Variants in CTNNA3 observed in about 807,000 individuals in gnomAD.
CTNNA3 encodes catenin alpha-3.
CTNNA3 carries 76 observed loss-of-function variants against 95.7 expected under a neutral mutation model. The observed-to-expected ratio is 0.79, with a 90% confidence interval of 0.66 to 0.96. The LOEUF is 0.96. CTNNA3 is among the 40% of genes least tolerant of loss of function. The pLI, the probability that CTNNA3 is intolerant of heterozygous loss-of-function variation, is 0.00. For missense variants in CTNNA3, 1,191 were observed against 1,089.8 expected (o/e 1.09, Z -1.31); for synonymous variants, 431 against 374.4 (o/e 1.15, Z -1.74).
intron 12 of CTNNA3, 51 bp downstream of exon 12, chr10:66,379,101 T>C (rs781365773): frequency 2.8e-6 from 4 of 1,412,236 alleles, no homozygotes; most frequent in Admixed American, 1.7e-5. Context: ...TTCGTAGCTA[T>C]GTAGATTCAA....
intron 10 of CTNNA3, among the ~76,000 whole-genome samples, chr10:66,541,702 A>T (rs960968990): frequency 6.6e-6 from 1 of 152,144 alleles, no homozygotes; most frequent in Admixed American, 6.6e-5. Context: ...TCTAATAGAT[A>T]AACTCTTAGA....
intron 7 of CTNNA3, among the ~76,000 whole-genome samples, chr10:66,958,981 T>G (rs1166259061): frequency 6.6e-6 from 1 of 152,138 alleles, no homozygotes; most frequent in Non-Finnish European, 1.5e-5. Context: ...AGAGTGTAAA[T>G]GAATTATCTC....
chr10:66,714,473 T>C (rs1193671845), intron 9 of CTNNA3, among the ~76,000 whole-genome samples: 1 of 152,162 alleles, frequency 6.6e-6, no homozygotes, highest in Non-Finnish European at 1.5e-5. Context: ...CTCAAAACTC[T>C]TATTTAGACC....
chr10:66,950,611 A>C (rs1848491008), intron 7 of CTNNA3, among the ~76,000 whole-genome samples: 2 of 152,140 alleles, frequency 1.3e-5, no homozygotes, highest in South Asian at 4.1e-4. Flanking sequence ...ATAAATGTTT[A>C]CCATTTTCAG....
At chr10:66,090,079 G>A (rs1415911179) in intron 14 of CTNNA3, among the ~76,000 whole-genome samples, 1 of 151,970 alleles carries the variant, frequency 6.6e-6, no homozygotes, top group Non-Finnish European at 1.5e-5. Context: ...GGCATCTGGT[G>A]TGATAACAGC....
intron 1 of CTNNA3, among the ~76,000 whole-genome samples, chr10:67,674,540 C>CA (rs1211850949): frequency 2.0e-5 from 3 of 152,036 alleles, no homozygotes; most frequent in Admixed American, 1.3e-4. Context: ...AATTGGTCTC[C>CA]AAAAAACACC....
chr10:67,210,126 T>G (rs1431397649), intron 6 of CTNNA3, among the ~76,000 whole-genome samples: 1 of 151,944 alleles, frequency 6.6e-6, no homozygotes, highest in Non-Finnish European at 1.5e-5. Flanking sequence ...GCTAACATGG[T>G]AAAACCCTGT....
intron 5 of CTNNA3, among the ~76,000 whole-genome samples, chr10:67,292,703 A>G (rs1354106446): frequency 2.0e-5 from 3 of 152,170 alleles, no homozygotes; most frequent in Non-Finnish European, 1.5e-5. Context: ...TTTACTTAAT[A>G]ATCAGTTAAT....
intron 11 of CTNNA3, among the ~76,000 whole-genome samples, chr10:66,496,557 G>A (rs1323679606): frequency 6.6e-6 from 1 of 152,082 alleles, no homozygotes; most frequent in Non-Finnish European, 1.5e-5. Flanking sequence ...CAGGTTTGAA[G>A]GACAATAAAG....
At chr10:67,726,415 A>AATATTATATATGAAATTAT (rs1564841102) in intron 1 of CTNNA3, among the ~76,000 whole-genome samples, 1 of 58,972 alleles carries the variant, frequency 1.7e-5, no homozygotes, top group Non-Finnish European at 2.5e-5. Flanking sequence ...TATCATATAT[A>AATATTATATATGAAATTAT]ATATTATATA....
chr10:66,591,766 T>A (rs1843559026), intron 10 of CTNNA3, among the ~76,000 whole-genome samples: 1 of 152,112 alleles, frequency 6.6e-6, no homozygotes, highest in African/African-American at 2.4e-5. Flanking sequence ...TATACTTTGT[T>A]AAAATCCCCT....
At chr10:66,840,317 G>A (rs1843005988) in intron 7 of CTNNA3, among the ~76,000 whole-genome samples, 1 of 122,040 alleles carries the variant, frequency 8.2e-6, no homozygotes. Flanking sequence ...CTTCTTCCAA[G>A]AAGCCATCTC....
At chr10:66,846,157 G>GC (rs1843267337) in intron 7 of CTNNA3, among the ~76,000 whole-genome samples, 1 of 150,440 alleles carries the variant, frequency 6.6e-6, no homozygotes, top group African/African-American at 2.4e-5. Flanking sequence ...CCTGCCTTTT[G>GC]CAACAGAGAT....
At chr10:66,707,620 C>CTT (rs897554799) in intron 9 of CTNNA3, among the ~76,000 whole-genome samples, 5 of 151,880 alleles carry the variant, frequency 3.3e-5, no homozygotes, top group African/African-American at 1.2e-4. Context: ...CATCCTTGGA[C>CTT]TAGAGATTTA....
intron 10 of CTNNA3, among the ~76,000 whole-genome samples, chr10:66,579,657 T>C (rs1843119034): frequency 6.6e-6 from 1 of 151,832 alleles, no homozygotes; most frequent in Non-Finnish European, 1.5e-5. Flanking sequence ...ATTCTTTTAA[T>C]GTAGGTCTGC....
intron 7 of CTNNA3, among the ~76,000 whole-genome samples, chr10:66,974,548 T>C (rs961479559): frequency 6.6e-6 from 1 of 152,236 alleles, no homozygotes; most frequent in Non-Finnish European, 1.5e-5. Context: ...GTTCGTAGTG[T>C]AAGTGAATGC....
intron 7 of CTNNA3, among the ~76,000 whole-genome samples, chr10:66,856,701 T>C (rs1843697194): frequency 6.6e-6 from 1 of 152,148 alleles, no homozygotes; most frequent in Non-Finnish European, 1.5e-5. Flanking sequence ...GCTGCATGTA[T>C]GTCTTCTTTT....
chr10:66,010,439 A>G (rs1332719691), intron 15 of CTNNA3, among the ~76,000 whole-genome samples: 1 of 152,236 alleles, frequency 6.6e-6, no homozygotes, highest in Non-Finnish European at 1.5e-5. Context: ...GAGAAAGAGG[A>G]ATTCAAATTG....
At position 66,358,926 on chromosome 10, in the gene CTNNA3, C is replaced by T. The variant is rs565765479; in HGVS notation, c.1732+20226G>A. On this transcript the variant is annotated intron_variant, in intron 12 of 17. Coordinates refer to ENST00000433211, the MANE Select transcript of CTNNA3 (RefSeq NM_013266.4). ...TTATGCTCTAATCTATTCCTTTTTG[C>T]CCCTATTCATTTTGTTCCTTAACAT... 5.9e-5 allele frequency among the ~76,000 whole-genome samples: 9 copies of T among 152,148 alleles called. 1 individual carries two copies. The South Asian group carries it at 1.9e-3, about 32-fold the overall frequency.
Sources: gnomAD v4.1 joint callset for allele counts (sites outside exome capture counted in the v4.1 genomes callset) on GRCh38, gnomAD v4.1.1 for gene constraint, MANE v1.5 for transcripts, NCBI Gene and HGNC (gene_info 2026-07-23, HGNC 2026-07-21) for gene names.